The following HACE1 variants were observed in gnomAD, a reference collection of about 807,000 sequenced individuals.
The protein encoded by HACE1 is E3 ubiquitin-protein ligase HACE1.
Under a neutral mutation model 118.4 loss-of-function variants are expected in HACE1, and 73 were observed. The ratio of observed to expected loss-of-function variants is 0.62; its 90% CI spans 0.51 to 0.75. HACE1 has a LOEUF of 0.75. Among genes scored for constraint, HACE1 ranks in the 30% least tolerant of loss-of-function variants. The probability of loss-of-function intolerance (pLI) is 0.00; values close to 1 mark genes in which losing one functional copy is unlikely to be tolerated. For missense variants in HACE1, 749 were observed against 1,102.2 expected (o/e 0.68, Z 4.54); for synonymous variants, 368 against 374.8 (o/e 0.98, Z 0.21).
intron 5 of HACE1, among the ~76,000 whole-genome samples, chr6:104,841,088 T>C (rs1775074017): frequency 1.4e-5 from 2 of 147,676 alleles, no homozygotes; most frequent in South Asian, 4.3e-4. Context: ...GCCATTGCAC[T>C]CCAGCCTGGG....
At chr6:104,828,565 G>T (rs971053027) in intron 6 of HACE1, among the ~76,000 whole-genome samples, 3 of 151,892 alleles carry the variant, frequency 2.0e-5, no homozygotes, top group Non-Finnish European at 4.4e-5. Flanking sequence ...TTAAGAAGTT[G>T]TTATGATTCC....
intron 19 of HACE1, among the ~76,000 whole-genome samples, chr6:104,753,310 C>A (rs904127376): frequency 6.6e-6 from 1 of 152,184 alleles, no homozygotes; most frequent in African/African-American, 2.4e-5. Context: ...CTGCTCCCAC[C>A]TGCTGGCTTT....
At chr6:104,751,229 C>T (rs937007026) in intron 19 of HACE1, among the ~76,000 whole-genome samples, 15 of 152,196 alleles carry the variant, frequency 9.9e-5, no homozygotes, top group Non-Finnish European at 2.2e-4. Context: ...CAGACAGGAA[C>T]TTTGTTTTAC....
At chr6:104,782,535 A>G (rs1781852727) in intron 14 of HACE1, 2 of 152,206 alleles carry the variant, frequency 1.3e-5, no homozygotes, top group South Asian at 4.1e-4. Context: ...AGAACCAGAC[A>G]GACTTTTAAA....
chr6:104,797,489 T>TAA (rs111732820), intron 7 of HACE1, among the ~76,000 whole-genome samples: 14 of 131,090 alleles, frequency 1.1e-4, no homozygotes, highest in African/African-American at 4.0e-4. Context: ...TAATACTTTG[T>TAA]AAAAAAAAAA....
At chr6:104,736,674 C>G (rs1368089274) in intron 22 of HACE1, among the ~76,000 whole-genome samples, 1 of 152,104 alleles carries the variant, frequency 6.6e-6, no homozygotes, top group African/African-American at 2.4e-5. Flanking sequence ...TTTTAGTTAT[C>G]TCTAAGCCAC....
chr6:104,859,679 G>A lies in HACE1; in HGVS notation c.-37C>T. On this transcript the variant is annotated 5_prime_UTR_variant, in exon 1 of 24. Coordinates refer to ENST00000262903, the MANE Select transcript of HACE1 (RefSeq NM_020771.4). ...CCTCCGCGATCCTCCGCGATCAGCCGCCCCACCGGCGGCCTCCGCGCCCAG... is the reference window on the plus strand; with the variant it reads ...CCTCCGCGATCCTCCGCGATCAGCCACCCCACCGGCGGCCTCCGCGCCCAG... 2.0e-6 allele frequency: 3 copies of A among 1,513,808 alleles called. No individual in the cohort carries two copies. The highest frequency in any genetic ancestry group is 2.7e-6 in the Non-Finnish European group (3 of 1,130,340). The allele number at this position is 1,513,808 out of a possible 1,614,324, so 93.8% of individuals were successfully genotyped here.
intron 14 of HACE1, among the ~76,000 whole-genome samples, chr6:104,781,936 T>C (rs909682869): frequency 1.3e-5 from 2 of 152,246 alleles, no homozygotes; most frequent in Non-Finnish European, 2.9e-5. Flanking sequence ...CAGATGTTTT[T>C]TGACTAAATT....
In HACE1 at chr6:104,814,868, T is replaced by C. The variant is rs556210350; in HGVS notation, c.535-3475A>G. ...CCCCCTTTGCCTTCCACCATGATTG[T>C]AAGTTTCCTGAGGCCTCACAGTCAT... On this transcript the variant is annotated intron_variant, in intron 6 of 23. Coordinates refer to ENST00000262903, the MANE Select transcript of HACE1 (RefSeq NM_020771.4). Among the ~76,000 whole-genome samples the C allele has an allele frequency of 2.9e-5, 4 of 138,506 alleles. 1 individual carries two copies. In the South Asian group the frequency reaches 8.9e-4, roughly 31 times the overall value. 90.9% of individuals were successfully genotyped at this position (138,506 alleles called of 152,430 possible).
At chr6:104,831,865 C>A (rs1345135803) in intron 6 of HACE1, among the ~76,000 whole-genome samples, 10 of 148,170 alleles carry the variant, frequency 6.7e-5, no homozygotes, top group African/African-American at 2.5e-4. Flanking sequence ...TGCACTCCAG[C>A]CTGGGGAACA....
intron 11 of HACE1, among the ~76,000 whole-genome samples, chr6:104,790,458 A>G (rs1319301963): frequency 6.6e-6 from 1 of 152,252 alleles, no homozygotes; most frequent in African/African-American, 2.4e-5. Context: ...CATTGTTTAA[A>G]GAAATGTAAG....
intron 7 of HACE1, among the ~76,000 whole-genome samples, chr6:104,802,736 G>A (rs1272026232): frequency 6.6e-6 from 1 of 152,172 alleles, no homozygotes; most frequent in African/African-American, 2.4e-5. Context: ...GAAATTTATA[G>A]CACTAAATGC....
At chr6:104,830,888 T>C (rs569845148) in intron 6 of HACE1, among the ~76,000 whole-genome samples, 1 of 151,848 alleles carries the variant, frequency 6.6e-6, no homozygotes, top group East Asian at 1.9e-4. Flanking sequence ...TTAAGCTATC[T>C]GGCATCCTGA....
At chr6:104,764,225 G>T (rs1316602358) in intron 19 of HACE1, among the ~76,000 whole-genome samples, 6 of 151,992 alleles carry the variant, frequency 3.9e-5, no homozygotes, top group African/African-American at 1.4e-4. Flanking sequence ...TTACAGGCAC[G>T]CACTACCATG....
chr6:104,807,533 CA>C (rs1300335509), intron 7 of HACE1, among the ~76,000 whole-genome samples: 1 of 152,138 alleles, frequency 6.6e-6, no homozygotes, highest in African/African-American at 2.4e-5. Context: ...AAGTTATCTA[CA>C]AACAGAAAAT....
At chr6:104,834,328 T>C (rs1021695369) in intron 5 of HACE1, among the ~76,000 whole-genome samples, 2 of 152,062 alleles carry the variant, frequency 1.3e-5, no homozygotes, top group Non-Finnish European at 2.9e-5. Flanking sequence ...TAAAAAGTAA[T>C]TAACATAGCA....
At chr6:104,768,757 A>G (rs1780293960) in intron 19 of HACE1, among the ~76,000 whole-genome samples, 1 of 152,126 alleles carries the variant, frequency 6.6e-6, no homozygotes, top group South Asian at 2.1e-4. Flanking sequence ...ATGTAAATAT[A>G]TATAGTATTA....
At chr6:104,810,461 C>T (rs9486016) in intron 7 of HACE1, among the ~76,000 whole-genome samples, 5,135 of 151,912 alleles carry the variant, frequency 0.034, 273 homozygotes, top group African/African-American at 0.12. Flanking sequence ...AGCTCTATAT[C>T]GGAATATGAA....
At chr6:104,731,409 A>T (rs545920969) in intron 22 of HACE1, 17 of 152,252 alleles carry the variant, frequency 1.1e-4, no homozygotes, top group Non-Finnish European at 2.1e-4. Context: ...CAAATAGCCT[A>T]AACAGTCTAG....
Sources: gnomAD v4.1 joint callset for allele counts (sites outside exome capture counted in the v4.1 genomes callset) on GRCh38, gnomAD v4.1.1 for gene constraint, MANE v1.5 for transcripts, NCBI Gene and HGNC (gene_info 2026-07-23, HGNC 2026-07-21) for gene names.